Variants in GSTCD observed in about 807,000 individuals in gnomAD.
GSTCD encodes glutathione S-transferase C-terminal domain containing.
A neutral mutation model predicts 68.3 loss-of-function variants in GSTCD; 44 were observed. That is an observed-to-expected ratio of 0.64 (90% CI 0.51 to 0.83). The LOEUF is 0.83. Ranked by LOEUF, GSTCD falls within the 40% of genes least tolerant of loss-of-function variation. The pLI is 0.00. For missense variants in GSTCD, 739 were observed against 735.9 expected (o/e 1.00, Z -0.05); for synonymous variants, 273 against 255.2 (o/e 1.07, Z -0.67).
At position 105,794,834 on chromosome 4, in the gene GSTCD, TC is replaced by T. The variant is rs1166928374; in HGVS notation, c.1241-28119del. Among the ~76,000 whole-genome samples the T allele has an allele frequency of 8.3e-3, 828 of 99,162 alleles. 9 individuals carry two copies. Among genetic ancestry groups the T allele is most frequent in the African/African-American group, 0.068 (778 of 11,408 alleles). The allele number at this position is 99,162 out of a possible 152,430, so 65.1% of individuals were successfully genotyped here. On this transcript the variant is annotated intron_variant, in intron 5 of 11. Transcript: ENST00000515279. ...TATTATTTCTGCTTTTATCTATCTATCTATTTATCTATCTATCTATCTATCT... is the reference window on the plus strand; with the variant it reads ...TATTATTTCTGCTTTTATCTATCTATTATTTATCTATCTATCTATCTATCT...
intron 8 of GSTCD, among the ~76,000 whole-genome samples, chr4:105,828,668 GGAGAA>G (rs1723764272): frequency 6.6e-6 from 1 of 152,124 alleles, no homozygotes; most frequent in Non-Finnish European, 1.5e-5. Flanking sequence ...ATTGAGTAGA[GGAGAA>G]GGAAGATAAA....
intron 5 of GSTCD, chr4:105,746,342 G>A (rs1560808149): frequency 6.6e-6 from 1 of 152,196 alleles, no homozygotes; most frequent in Non-Finnish European, 1.5e-5. Context: ...TAAGGATGAG[G>A]AGGAAGTGGA....
intron 5 of GSTCD, among the ~76,000 whole-genome samples, chr4:105,760,583 G>T (rs1055850007): frequency 2.6e-5 from 4 of 152,098 alleles, no homozygotes; most frequent in African/African-American, 9.7e-5. Context: ...ATTGATCCTT[G>T]GTTGGGAAAT....
At chr4:105,770,944 C>A (rs181416269) in intron 5 of GSTCD, among the ~76,000 whole-genome samples, 1 of 152,310 alleles carries the variant, frequency 6.6e-6, no homozygotes, top group African/African-American at 2.4e-5. Flanking sequence ...GAGGAATCGC[C>A]ACACTGTCTT....
At chr4:105,736,323 A>T (rs1315559496) in intron 5 of GSTCD, among the ~76,000 whole-genome samples, 3 of 152,064 alleles carry the variant, frequency 2.0e-5, no homozygotes, top group African/African-American at 7.2e-5. Context: ...ATCTGTGGTA[A>T]TCTTGTGGGG....
chr4:105,716,360 G>A (rs921807735), intron 1 of GSTCD, among the ~76,000 whole-genome samples: 8 of 152,138 alleles, frequency 5.3e-5, no homozygotes, highest in African/African-American at 9.7e-5. Flanking sequence ...AGTGTTCTAG[G>A]TACTGGAAAC....
At chr4:105,769,946 T>C (rs1334231347) in intron 5 of GSTCD, among the ~76,000 whole-genome samples, 4 of 152,106 alleles carry the variant, frequency 2.6e-5, no homozygotes, top group African/African-American at 9.7e-5. Flanking sequence ...TGAATAGAGA[T>C]ACAATATTGT....
chr4:105,747,312 A>G (rs760391555), intron 5 of GSTCD, among the ~76,000 whole-genome samples: 7 of 152,234 alleles, frequency 4.6e-5, no homozygotes, highest in Non-Finnish European at 1.0e-4. Context: ...TACTTTTCAA[A>G]CTAGGATATC....
At position 105,844,151 on chromosome 4, in the gene GSTCD, C is replaced by T. The variant is rs548689406; in HGVS notation, c.1766-1290C>T. On this transcript the variant is annotated intron_variant, in intron 11 of 11. Transcript: ENST00000515279. ...AAGGGTAGATGAGCTCAATGTAAAC[C>T]CTGGGTGGGTACTTAAGGAATGTAG... 1.1e-4 allele frequency among the ~76,000 whole-genome samples: 16 copies of T among 152,080 alleles called. No homozygotes were observed. In the South Asian group the frequency reaches 3.3e-3, roughly 32 times the overall value.
chr4:105,828,700 G>T (rs2216516), intron 8 of GSTCD, among the ~76,000 whole-genome samples: 159 of 152,204 alleles, frequency 1.0e-3, no homozygotes, highest in Non-Finnish European at 2.0e-3. Flanking sequence ...ATGCATGCCA[G>T]GCAGAGTGGC....
chr4:105,840,353 C>A (rs1161037089), intron 10 of GSTCD: 1 of 253,970 alleles, frequency 3.9e-6, no homozygotes, highest in Non-Finnish European at 8.2e-6. Flanking sequence ...TAAAGTTATT[C>A]ATTGAAACCA....
intron 5 of GSTCD, among the ~76,000 whole-genome samples, chr4:105,796,548 G>T (rs1735896280): frequency 6.6e-6 from 1 of 152,060 alleles, no homozygotes; most frequent in Non-Finnish European, 1.5e-5. Flanking sequence ...TGCCAGGTCT[G>T]GTTTTATTTA....
chr4:105,825,418 C>A (rs753454440), intron 7 of GSTCD, among the ~76,000 whole-genome samples: 1 of 152,214 alleles, frequency 6.6e-6, no homozygotes, highest in Admixed American at 6.5e-5. Flanking sequence ...GCGTGAGCCA[C>A]CACGCCCGGC....
At chr4:105,803,991 T>G (rs540428222) in intron 5 of GSTCD, among the ~76,000 whole-genome samples, 1 of 152,146 alleles carries the variant, frequency 6.6e-6, no homozygotes, top group East Asian at 1.9e-4. Context: ...ACTAATTTTT[T>G]GTTTTTGTAA....
At chr4:105,770,812 G>T (rs1734815339) in intron 5 of GSTCD, among the ~76,000 whole-genome samples, 1 of 152,126 alleles carries the variant, frequency 6.6e-6, no homozygotes, top group Non-Finnish European at 1.5e-5. Context: ...GTGGTATTGT[G>T]AACAGTGCTG....
At chr4:105,772,615 C>A (rs1413453498) in intron 5 of GSTCD, among the ~76,000 whole-genome samples, 5 of 152,120 alleles carry the variant, frequency 3.3e-5, no homozygotes, top group Admixed American at 3.3e-4. Flanking sequence ...TTGAGATAAT[C>A]ATGTGGTTTT....
At chr4:105,773,502 A>G (rs1734937076) in intron 5 of GSTCD, among the ~76,000 whole-genome samples, 2 of 152,182 alleles carry the variant, frequency 1.3e-5, no homozygotes, top group African/African-American at 2.4e-5. Flanking sequence ...ATTTAGTGCT[A>G]TAAATTTCCC....
chr4:105,802,690 C>G (rs1472090101), intron 5 of GSTCD, among the ~76,000 whole-genome samples: 3 of 152,062 alleles, frequency 2.0e-5, no homozygotes, highest in African/African-American at 7.2e-5. Context: ...CCTTTAACTT[C>G]TTTTTTCTCT....
At chr4:105,783,616 A>G (rs2544396) in intron 5 of GSTCD, among the ~76,000 whole-genome samples, 147,027 of 152,182 alleles carry the variant, frequency 0.97, 71,031 homozygotes, top group East Asian at 1. Context: ...TGAACCAGTT[A>G]AAAGTGAGTT....
Sources: gnomAD v4.1 joint callset for allele counts (sites outside exome capture counted in the v4.1 genomes callset) on GRCh38, gnomAD v4.1.1 for gene constraint, MANE v1.5 for transcripts, NCBI Gene and HGNC (gene_info 2026-07-23, HGNC 2026-07-21) for gene names.